Variants in ZFP36L1 observed in about 807,000 individuals in gnomAD.
ZFP36L1 encodes ZFP36 like 1 zinc finger CCCH-type, also known as mRNA decay activator protein ZFP36L1.
ZFP36L1 carries 4 observed loss-of-function variants against 16.7 expected under a neutral mutation model. The observed-to-expected ratio is 0.24, with a 90% CI of 0.12 to 0.55. ZFP36L1 has a LOEUF of 0.55. ZFP36L1 is among the 20% of genes least tolerant of loss of function. The pLI, the probability that ZFP36L1 is intolerant of heterozygous loss-of-function variation, is 0.94. For synonymous variants in ZFP36L1, 220 were observed against 190.8 expected (o/e 1.15, Z -1.26); for missense variants, 311 against 449.2 (o/e 0.69, Z 2.78).
rs1895020013 is a variant in ZFP36L1 at position 68,789,881 on chromosome 14, G to A, written c.669C>T (p.Pro223=). 5.6e-6 allele frequency: 9 copies of A among 1,610,436 alleles called. No homozygotes were observed. Among genetic ancestry groups the A allele is most frequent in the Non-Finnish European group, 7.6e-6 (9 of 1,179,994 alleles). ...GAATAGGGGGTGGGGTGATGGACGT[G>A]GGGCTGTCCAGCAGCCCGGTGGCAG... is the stretch of plus-strand genomic sequence containing the variant. The part of the protein sequence containing the change: ...TAAATGLLDS[P]TSITPPPILS... The change falls in exon 2 of 2, where the codon CCC becomes CCT. Residue 223 remains proline, a synonymous_variant. Transcript: ENST00000439696. This position sits in a 1 kb window ranked among gnomAD's most constrained non-coding sequence, Gnocchi z 4.5.
In ZFP36L1 at chr14:68,789,896, C is replaced by G. The variant is rs1037318578; in HGVS notation, c.654G>C (p.Gly218=). The part of the protein sequence containing the change: ...PSAAATAAAT[G]LLDSPTSITP... Reference sequence around the variant, plus strand: ...TGATGGACGTGGGGCTGTCCAGCAGCCCGGTGGCAGCGGCGGTGGCAGCGG... The same window carrying G: ...TGATGGACGTGGGGCTGTCCAGCAGGCCGGTGGCAGCGGCGGTGGCAGCGG... Residue 218 remains glycine (G), a synonymous_variant, in exon 2 of 2, where the codon GGG becomes GGC. Coordinates refer to ENST00000439696, the MANE Select transcript of ZFP36L1 (RefSeq NM_004926.4). The surrounding 1 kb of genome is among the most constrained non-coding windows in gnomAD (Gnocchi z 4.5). The G allele has an allele frequency of 1.8e-5, 29 of 1,609,944 alleles. No individual in the cohort carries two copies. The highest frequency in any genetic ancestry group is 5.3e-5 in the African/African-American group (4 of 74,908).
intron 1 of ZFP36L1, chr14:68,791,333 C>T: frequency 2.0e-6 from 1 of 501,048 alleles, no homozygotes; most frequent in Non-Finnish European, 3.5e-6. Context: ...AAGGAAAGCA[C>T]CAACCCCCCT....
intron 1 of ZFP36L1, 58 bp downstream of exon 1, chr14:68,792,824 C>A (rs1249394826): frequency 4.4e-6 from 7 of 1,608,462 alleles, no homozygotes; most frequent in Non-Finnish European, 5.1e-6. Flanking sequence ...TTTGGGGGTT[C>A]TTTCTTAAGG....
upstream of ZFP36L1, chr14:68,793,821 C>G (rs1895177606): frequency 1.0e-6 from 1 of 984,770 alleles, no homozygotes; most frequent in Non-Finnish European, 1.2e-6. Context: ...GAAACTTTTT[C>G]CCCAGGAGGA....
chr14:68,790,072 T>C lies in ZFP36L1; in HGVS notation c.478A>G (p.Thr160Ala). The C allele has an allele frequency of 6.2e-7, 1 of 1,610,936 alleles. No homozygotes were observed. Among genetic ancestry groups the C allele is most frequent in the Non-Finnish European group, 8.5e-7 (1 of 1,178,558 alleles). Residue 160 changes from threonine to alanine, a missense_variant, in exon 2 of 2, where the codon ACC becomes GCC. Physicochemically the swap from Thr to Ala is moderately conservative, Grantham distance 58. Transcript: ENST00000439696. ...HPKYKTELCR[T>A]FHTIGFCPYG... ...GGGCAAAAGCCGATGGTGTGGAAGG[T>C]GCGGCACAGCTCCGTCTTGTACTTG...
chr14:68,796,165 C>T, upstream of ZFP36L1: 1 of 1,366,584 alleles, frequency 7.3e-7, no homozygotes, highest in Non-Finnish European at 9.8e-7. Flanking sequence ...TGGAGCGCGT[C>T]CCTTCGTGGG....
intron 1 of ZFP36L1, 76 bp from the exon 2 acceptor site, chr14:68,790,568 A>G: frequency 6.4e-7 from 1 of 1,564,016 alleles, no homozygotes; most frequent in Non-Finnish European, 8.7e-7. Flanking sequence ...CCCCCTACAC[A>G]ATCACAAACG....
chr14:68,793,331 T>C (rs1393458870), upstream of ZFP36L1: 10 of 1,010,698 alleles, frequency 9.9e-6, no homozygotes, highest in East Asian at 9.7e-5. Context: ...TTTTTTTTTT[T>C]CTTTAAGAGG....
chr14:68,792,817 G>A (rs1895135335), intron 1 of ZFP36L1, 65 bp downstream of exon 1: 1 of 1,543,372 alleles, frequency 6.5e-7, no homozygotes, highest in Admixed American at 1.8e-5. Context: ...CCAAACTTTT[G>A]GGGGTTCTTT....
intron 1 of ZFP36L1, among the ~76,000 whole-genome samples, chr14:68,792,269 C>A (rs1895099434): frequency 6.6e-6 from 1 of 152,054 alleles, no homozygotes; most frequent in African/African-American, 2.4e-5. Flanking sequence ...CTCTTTCACC[C>A]CAAAGTTTGC....
Position 68,792,922 on chromosome 14 carries a change from A to T in ZFP36L1, c.17T>A (p.Val6Glu), listed in dbSNP as rs768885183. The T allele has an allele frequency of 1.9e-6, 3 of 1,613,928 alleles. No individual in the cohort carries two copies. In the East Asian group the frequency reaches 6.7e-5, roughly 36 times the overall value. Residue 6 changes from valine (V) to glutamate (E), a missense_variant, in exon 1 of 2, where the codon GTG becomes GAG. Coordinates refer to ENST00000439696, the MANE Select transcript of ZFP36L1 (RefSeq NM_004926.4). Reference protein sequence around the residue: MTTTLVSATIFDLSEV... With the variant: MTTTLESATIFDLSEV... ...GCTCAAGTCGAAGATGGTGGCAGAC[A>T]CGAGGGTGGTGGTCATCCTGTGCGT...
At chr14:68,792,465 C>T (rs1895111522) in intron 1 of ZFP36L1, among the ~76,000 whole-genome samples, 1 of 152,342 alleles carries the variant, frequency 6.6e-6, no homozygotes, top group African/African-American at 2.4e-5. Context: ...GGACCTCCCA[C>T]TCCCAACCCC....
chr14:68,795,687 C>T, upstream of ZFP36L1: 4 of 472,988 alleles, frequency 8.5e-6, no homozygotes, highest in East Asian at 1.7e-4. Flanking sequence ...CTGGCCTAGC[C>T]CGCTCGCTCC....
chr14:68,792,518 G>C (rs550273587), intron 1 of ZFP36L1, among the ~76,000 whole-genome samples: 1 of 152,268 alleles, frequency 6.6e-6, no homozygotes, highest in African/African-American at 2.4e-5. Context: ...GCGCAGACTG[G>C]GAACCCGATC....
rs1308021571 is a variant in ZFP36L1, at chr14:68,791,047, A to G, written c.58-555T>C. The G allele has an allele frequency of 1.3e-5, 9 of 702,058 alleles. No individual in the cohort carries two copies. In the Admixed American group the frequency reaches 1.6e-4, roughly 12 times the overall value. 43.5% of individuals were successfully genotyped at this position (702,058 alleles called of 1,614,324 possible). ...CCTTCCTTTGGCAACAGGTTTTCAG[A>G]CTGCCTTTGCTTTTTCTTGTGGGGA... On this transcript the variant is annotated intron_variant, in intron 1 of 1. Transcript: ENST00000439696.
At chr14:68,792,223 C>G in intron 1 of ZFP36L1, among the ~76,000 whole-genome samples, 1 of 149,378 alleles carries the variant, frequency 6.7e-6, no homozygotes, top group East Asian at 2.0e-4. Flanking sequence ...AGCCGCAATG[C>G]CTCGGCAACA....
At position 68,790,007 on chromosome 14, in the gene ZFP36L1, C is replaced by T. The variant is rs2140209242; in HGVS notation, c.543G>A (p.Glu181=). The T allele has an allele frequency of 5.6e-6, 9 of 1,608,844 alleles. No individual in the cohort carries two copies. The highest frequency in any genetic ancestry group is 4.0e-5 in the African/African-American group (3 of 74,794). The change falls in exon 2 of 2, where the codon GAG becomes GAA. Residue 181 remains glutamate, a synonymous_variant. Transcript: ENST00000439696. ...CCCGGGCCCCGGCCAGGGCACGGCG[C>T]TCTTCAGCGTTGTGGATGAAGTGGC... ...PRCHFIHNAE[E]RRALAGARDL... is the part of the protein sequence containing the mutation.
chr14:68,790,935 T>G, intron 1 of ZFP36L1: 1 of 616,236 alleles, frequency 1.6e-6, no homozygotes. Flanking sequence ...CTACGTTAGG[T>G]CCCCTTCCAA....
intron 1 of ZFP36L1, among the ~76,000 whole-genome samples, chr14:68,792,187 C>T (rs1322261260): frequency 6.6e-6 from 1 of 151,828 alleles, no homozygotes; most frequent in Admixed American, 6.6e-5. Flanking sequence ...CGCCACCTCC[C>T]CCCCCAACCC....
Sources: gnomAD v4.1 joint callset for allele counts (sites outside exome capture counted in the v4.1 genomes callset) on GRCh38, gnomAD v4.1.1 for gene constraint, Gnocchi (gnomAD v3.1) non-coding constraint, MANE v1.5 for transcripts, NCBI Gene and HGNC (gene_info 2026-07-23, HGNC 2026-07-21) for gene names.